Variants in TTN observed in about 807,000 individuals in gnomAD.
The protein encoded by TTN is titin.
In TTN, 1,525 loss-of-function variants were observed where a neutral mutation model predicts 3,223.0. The ratio of observed to expected loss-of-function variants is 0.47; its 90% confidence interval spans 0.45 to 0.49. The LOEUF is 0.49. Among genes scored for constraint, TTN ranks in the 20% least tolerant of loss-of-function variants. TTN has a pLI of 0.00. For synonymous variants in TTN, 14,094 were observed against 15,161.0 expected (o/e 0.93, Z 5.17); for missense variants, 40,786 against 43,424.0 (o/e 0.94, Z 5.40).
At chr2:178,753,068 G>C in intron 47 of TTN, 56 bp downstream of exon 47, 1 of 1,455,876 alleles carries the variant, frequency 6.9e-7, no homozygotes. Flanking sequence ...GCAACTCAAG[G>C]ATCCTATTAA....
At position 178,741,882 on chromosome 2, in the gene TTN, A is replaced by G; in HGVS notation, c.11351T>C (p.Leu3784Pro). 1 of 1,572,246 alleles carries G rather than the reference A, an allele frequency of 6.4e-7. No individual in the cohort carries two copies. The highest frequency in any genetic ancestry group is 8.6e-7 in the Non-Finnish European group (1 of 1,157,938). ...SSFLSAEEEGLHSAELQLSKI... is the reference protein window; with the variant it reads ...SSFLSAEEEGPHSAELQLSKI... ...AGATAATTGAAGTTCGGCGCTATGA[A>G]GTCCTTCTTCCTCGGCAGACAGAAA... The change falls in exon 48 of 363, where the codon CTT becomes CCT. Residue 3784 changes from leucine (L) to proline (P), a missense_variant. By Grantham distance (98) the Leu-to-Pro change is moderately conservative. Coordinates refer to ENST00000589042, the MANE Select transcript of TTN (RefSeq NM_001267550.2).
At chr2:178,671,227 T>C (rs973549543) in intron 155 of TTN, 57 bp from the exon 156 acceptor site, 35 of 1,334,990 alleles carry the variant, frequency 2.6e-5, no homozygotes, top group Non-Finnish European at 6.2e-6. Context: ...TTTGGAGCAC[T>C]ACTACTAACG....
intron 73 of TTN, 31 bp from the exon 74 acceptor site, chr2:178,723,727 C>A (rs2078844252): frequency 6.5e-7 from 1 of 1,532,648 alleles, no homozygotes; most frequent in Non-Finnish European, 8.7e-7. Flanking sequence ...ATTAAAAGAT[C>A]CTGTAAGCTT....
At position 178,554,129 on chromosome 2, in the gene TTN, C is replaced by T. The variant is rs764756194; in HGVS notation, c.88982G>A (p.Gly29661Asp). ...TVVWSRPIAD[G>D]GSDISGYFLE... ...GAAATAGCCACTTATATCACTACCG[C>T]CATCTGCAATTGGCCTGCTCCATAC... Residue 29661 changes from glycine (G) to aspartate (D), a missense_variant, in exon 333 of 363, where the codon GGC becomes GAC. Coordinates refer to ENST00000589042, the MANE Select transcript of TTN (RefSeq NM_001267550.2). 45 of 1,613,860 alleles carry T rather than the reference C, an allele frequency of 2.8e-5. No homozygotes were observed. The highest frequency in any genetic ancestry group is 3.8e-5 in the Non-Finnish European group (45 of 1,179,816).
At chr2:178,743,306 T>C (rs2082828696) in intron 47 of TTN, among the ~76,000 whole-genome samples, 1 of 152,016 alleles carries the variant, frequency 6.6e-6, no homozygotes, top group African/African-American at 2.4e-5. Context: ...AACTCAACTA[T>C]GTGCAATACA....
intron 259 of TTN, 28 bp from the exon 260 acceptor site, chr2:178,614,996 A>C: frequency 3.2e-6 from 5 of 1,560,146 alleles, no homozygotes; most frequent in Non-Finnish European, 4.4e-6. Flanking sequence ...AGGATGTTTT[A>C]CTGTGATGTC....
intron 157 of TTN, among the ~76,000 whole-genome samples, 195 bp from the exon 158 acceptor site, chr2:178,669,870 C>T (rs2066664936): frequency 6.6e-6 from 1 of 151,960 alleles, no homozygotes; most frequent in South Asian, 2.1e-4. Flanking sequence ...ATCAGAAACA[C>T]TTTGCTCTTT....
Position 178,570,045 on chromosome 2 carries a change from G to T in TTN, c.76087C>A (p.Arg25363Ser). The T allele has an allele frequency of 1.2e-6, 2 of 1,613,264 alleles. No homozygotes were observed. The highest frequency in any genetic ancestry group is 1.7e-6 in the Non-Finnish European group (2 of 1,179,576). The change falls in exon 326 of 363, where the codon CGC becomes AGC. Residue 25363 changes from arginine (R) to serine (S), a missense_variant. Transcript: ENST00000589042. Reference protein sequence around the residue: ...RCHKRLIGELRLRVTGLIENH... With the variant: ...RCHKRLIGELSLRVTGLIENH... ...TCTATGAGTCCAGTTACTCTCAGGCGCAACTCTCCAATCAGACGCTTATGG... is the reference window on the plus strand; with the variant it reads ...TCTATGAGTCCAGTTACTCTCAGGCTCAACTCTCCAATCAGACGCTTATGG...
intron 47 of TTN, chr2:178,746,009 C>A (rs1018833862): frequency 1.2e-6 from 2 of 1,613,238 alleles, no homozygotes; most frequent in Admixed American, 3.3e-5. Context: ...GAATCCCCGA[C>A]AGATAGCCTC....
intron 316 of TTN, 81 bp downstream of exon 316, chr2:178,581,418 T>C: frequency 8.4e-7 from 1 of 1,189,632 alleles, no homozygotes; most frequent in South Asian, 2.0e-5. Flanking sequence ...AATAAATTAA[T>C]CTACCTAAGG....
chr2:178,723,452 G>A lies in TTN; in HGVS notation c.21648C>T (p.Gly7216=), dbSNP rs369114663. The change falls in exon 74 of 363, where the codon GGC becomes GGT. Residue 7216 remains glycine, a synonymous_variant. Transcript: ENST00000589042. ...EYTCVVSNNA[G]QASCTTRLFV... is the part of the protein sequence containing the mutation. ...AGAGACGGGTAGTGCAAGATGCTTG[G>A]CCAGCGTTGTTAGAAACCACACAGG... The A allele has an allele frequency of 6.2e-7, 1 of 1,613,112 alleles. No homozygotes were observed. Among genetic ancestry groups the A allele is most frequent in the African/African-American group, 1.3e-5 (1 of 75,018 alleles).
At chr2:178,632,842 C>A in intron 234 of TTN, 50 bp from the exon 235 acceptor site, 1 of 1,612,480 alleles carries the variant, frequency 6.2e-7, no homozygotes, top group Non-Finnish European at 8.5e-7. Flanking sequence ...CCATTGATGA[C>A]CCTTGATCAA....
At chr2:178,748,873 T>A in intron 47 of TTN, 1 of 1,612,496 alleles carries the variant, frequency 6.2e-7, no homozygotes, top group South Asian at 1.1e-5. Context: ...GATACATATT[T>A]GCATTTAGAT....
In TTN at chr2:178,679,894, C is replaced by T. The variant is rs778695102; in HGVS notation, c.33580G>A (p.Val11194Met). ...GCCCTTTGCAGGAGGCATCATCTAC[C>T]TTTGACTGGTATCACTGGCACCACT... ...EEVVPVIPVKVPEVPRKPVPE... is the reference protein window; with the variant it reads ...EEVVPVIPVKMPEVPRKPVPE... Residue 11194 changes from valine (V) to methionine (M), a missense_variant and splice_region_variant, in exon 140 of 363, where the codon GTG becomes ATG. Physicochemically the swap from Val to Met is conservative, Grantham distance 21. Coordinates refer to ENST00000589042, the MANE Select transcript of TTN (RefSeq NM_001267550.2). 24 of 1,612,834 alleles carry T rather than the reference C, an allele frequency of 1.5e-5. No individual in the cohort carries two copies. The highest frequency in any genetic ancestry group is 2.0e-5 in the Non-Finnish European group (23 of 1,179,328).
rs1466517766 is a variant in TTN, at chr2:178,735,735, T to C, written c.14711A>G (p.Lys4904Arg). The C allele has an allele frequency of 1.9e-6, 3 of 1,613,718 alleles. No individual in the cohort carries two copies. Among genetic ancestry groups the C allele is most frequent in the Non-Finnish European group, 1.7e-6 (2 of 1,179,818 alleles). The change falls in exon 50 of 363, where the codon AAG (lysine) becomes AGG (arginine). Residue 4904 changes from lysine (K) to arginine (R), a missense_variant. Lys to Arg is a conservative substitution (Grantham distance 26). Coordinates refer to ENST00000589042, the MANE Select transcript of TTN (RefSeq NM_001267550.2). Reference protein sequence around the residue: ...LEPVQSAINKKVHLECQVDED... With the variant: ...LEPVQSAINKRVHLECQVDED... ...ATCTACTTGGCACTCAAGGTGGACC[T>C]TCTTATTGATAGCGGACTGCACAGG...
intron 13 of TTN, among the ~76,000 whole-genome samples, chr2:178,789,107 C>A (rs1452494838): frequency 6.6e-6 from 1 of 151,976 alleles, no homozygotes; most frequent in Non-Finnish European, 1.5e-5. Context: ...GGAAGATTCC[C>A]AGATGTTAAT....
chr2:178,649,437 C>CA (rs2062561656), intron 212 of TTN, 106 bp from the exon 213 acceptor site: 2 of 1,349,036 alleles, frequency 1.5e-6, no homozygotes, highest in Non-Finnish European at 2.0e-6. Context: ...TTAATGAAAG[C>CA]AAAATAAGGA....
chr2:178,563,105 T>A lies in TTN; in HGVS notation c.83027A>T (p.Glu27676Val), dbSNP rs1282696852. The change falls in exon 326 of 363, where the codon GAA becomes GTA. Residue 27676 changes from glutamate (E) to valine (V), a missense_variant. Glu to Val is a moderately radical substitution (Grantham distance 121). Coordinates refer to ENST00000589042, the MANE Select transcript of TTN (RefSeq NM_001267550.2). This position sits in a 1 kb window ranked among gnomAD's most constrained non-coding sequence, Gnocchi z 4.5. ...AQERIEPPEIELDADLRKVVV... is the reference protein window; with the variant it reads ...AQERIEPPEIVLDADLRKVVV... ...CACCTTTCTGAGATCAGCATCGAGT[T>A]CTATTTCTGGTGGCTCTATCCTCTC... 6.2e-7 allele frequency: 1 copy of A among 1,613,576 alleles called. No individual in the cohort carries two copies. The highest frequency in any genetic ancestry group is 1.7e-5 in the Admixed American group (1 of 59,974).
In TTN at chr2:178,714,081, G is replaced by A. The variant is rs1268476493; in HGVS notation, c.26577C>T (p.Leu8859=). Residue 8859 remains leucine (L), a synonymous_variant, in exon 92 of 363, where the codon CTC becomes CTT. Coordinates refer to ENST00000589042, the MANE Select transcript of TTN (RefSeq NM_001267550.2). The part of the protein sequence containing the change: ...LECTVAGTPE[L]STKWFKDGKE... The stretch of plus-strand genomic sequence containing the variant: ...TTCCATCCTTAAACCACTTAGTACT[G>A]AGTTCAGGGGTGCCAGCTACTGTAC... 3 of 1,613,546 alleles carry A rather than the reference G, an allele frequency of 1.9e-6. No homozygotes were observed. The South Asian group carries it at 3.3e-5, about 18-fold the overall frequency.
Sources: gnomAD v4.1 joint callset for allele counts (sites outside exome capture counted in the v4.1 genomes callset) on GRCh38, gnomAD v4.1.1 for gene constraint, Gnocchi (gnomAD v3.1) non-coding constraint, MANE v1.5 for transcripts, NCBI Gene and HGNC (gene_info 2026-07-23, HGNC 2026-07-21) for gene names.